The following SAMD4A variants were observed in gnomAD, a reference collection of about 807,000 sequenced individuals.
SAMD4A encodes the protein protein Smaug homolog 1.
SAMD4A carries 33 observed loss-of-function variants against 81.3 expected under a neutral mutation model. The observed-to-expected ratio is 0.41, with a 90% CI of 0.31 to 0.54. The LOEUF (loss-of-function observed/expected upper bound fraction) is 0.54. Ranked by LOEUF, SAMD4A falls within the 20% of genes least tolerant of loss-of-function variation. The pLI, the probability that SAMD4A is intolerant of heterozygous loss-of-function variation, is 0.37. For missense variants in SAMD4A, 854 were observed against 951.1 expected (o/e 0.90, Z 1.34); for synonymous variants, 389 against 382.1 (o/e 1.02, Z -0.21).
chr14:54,686,740 T>C (rs559385606), intron 2 of SAMD4A, among the ~76,000 whole-genome samples: 4 of 152,224 alleles, frequency 2.6e-5, no homozygotes, highest in African/African-American at 9.6e-5. Context: ...TTACAGGTCA[T>C]TGGGAGTTGG....
intron 3 of SAMD4A, among the ~76,000 whole-genome samples, chr14:54,729,173 G>A (rs972036962): frequency 3.3e-5 from 5 of 152,126 alleles, no homozygotes; most frequent in African/African-American, 1.2e-4. Context: ...GCTCAGTCAT[G>A]AAATCCTGGC....
rs150687129 is a variant in SAMD4A, at chr14:54,750,737, A to T, written c.1090-714A>T. On this transcript the variant is annotated intron_variant, in intron 5 of 12. Transcript: ENST00000554335. Reference sequence around the variant, plus strand: ...GGGAGGGTTTGAGAAAGCCATGAATATCTATATGGGGTTGGGACCTTTAGG... The same window carrying T: ...GGGAGGGTTTGAGAAAGCCATGAATTTCTATATGGGGTTGGGACCTTTAGG... Among the ~76,000 whole-genome samples, 540 of 152,332 alleles carry T rather than the reference A, an allele frequency of 3.5e-3. 2 individuals are homozygous for T. The highest frequency in any genetic ancestry group is 0.013 in the African/African-American group (524 of 41,566).
At position 54,567,749 on chromosome 14, in the gene SAMD4A, CAA is replaced by C. The variant is rs2032981941; in HGVS notation, c.-167_-166del. On this transcript the variant is annotated 5_prime_UTR_variant, in exon 2 of 13. Coordinates refer to ENST00000554335, the MANE Select transcript of SAMD4A (RefSeq NM_015589.6). ...CCACCGGAACGTAACTGAAACCAGACAAGAGAGGCAGGAGCCCAGGCAGTACC... is the reference window on the plus strand; with the variant it reads ...CCACCGGAACGTAACTGAAACCAGACGAGAGGCAGGAGCCCAGGCAGTACC... The C allele has an allele frequency of 1.7e-6, 1 of 594,396 alleles. No homozygotes were observed. The highest frequency in any genetic ancestry group is 2.8e-6 in the Non-Finnish European group (1 of 354,614). 36.8% of individuals were successfully genotyped at this position (594,396 alleles called of 1,614,324 possible).
At position 54,567,892 on chromosome 14, in the gene SAMD4A, G is replaced by A. The variant is rs1438114661; in HGVS notation, c.-25G>A. The A allele has an allele frequency of 4.4e-6, 7 of 1,596,374 alleles. No individual in the cohort carries two copies. Among genetic ancestry groups the A allele is most frequent in the Non-Finnish European group, 5.9e-6 (7 of 1,176,658 alleles). On this transcript the variant is annotated 5_prime_UTR_variant, in exon 2 of 13. Coordinates refer to ENST00000554335, the MANE Select transcript of SAMD4A (RefSeq NM_015589.6). ...CGGGCTGGGGCGCCCAGGGGGCTCT[G>A]TAGACCGAGGGCGGCCCCCTAACCA...
At chr14:54,784,224 A>T (rs2236298) in intron 11 of SAMD4A, 2 of 760,528 alleles carry the variant, frequency 2.6e-6, no homozygotes, top group South Asian at 1.6e-5. Flanking sequence ...GCGGGGCCTT[A>T]TGGGCCAGGG....
intron 2 of SAMD4A, among the ~76,000 whole-genome samples, chr14:54,658,034 C>T (rs916631094): frequency 6.6e-5 from 10 of 152,130 alleles, no homozygotes; most frequent in East Asian, 5.8e-4. Context: ...TGTGGCCGGC[C>T]GTGGTGGCTG....
chr14:54,631,575 A>T (rs962483758), intron 2 of SAMD4A, among the ~76,000 whole-genome samples: 7 of 152,198 alleles, frequency 4.6e-5, no homozygotes, highest in Non-Finnish European at 1.0e-4. Context: ...TCTAGGGCAG[A>T]TGTTTCCCTT....
At chr14:54,667,637 C>T (rs191914183) in intron 2 of SAMD4A, among the ~76,000 whole-genome samples, 35 of 152,298 alleles carry the variant, frequency 2.3e-4, no homozygotes, top group Middle Eastern at 3.4e-3. Context: ...TCACCCAGGG[C>T]GAGTGACTTG....
At chr14:54,775,884 A>G (rs1276779708) in intron 10 of SAMD4A, among the ~76,000 whole-genome samples, 2 of 151,930 alleles carry the variant, frequency 1.3e-5, no homozygotes, top group Non-Finnish European at 2.9e-5. Context: ...TCTTCTGACC[A>G]TTGTCCCCAG....
At chr14:54,711,867 A>C (rs748144475) in intron 3 of SAMD4A, among the ~76,000 whole-genome samples, 1 of 151,990 alleles carries the variant, frequency 6.6e-6, no homozygotes, top group Non-Finnish European at 1.5e-5. Context: ...CGGGAAAAAA[A>C]CCTCCATTTC....
At chr14:54,568,822 G>C (rs1284626702) in intron 2 of SAMD4A, among the ~76,000 whole-genome samples, 2 of 149,724 alleles carry the variant, frequency 1.3e-5, no homozygotes, top group Non-Finnish European at 3.0e-5. Context: ...AGAAAGGACA[G>C]GCATGAAGTG....
intron 2 of SAMD4A, among the ~76,000 whole-genome samples, chr14:54,606,382 A>T (rs950533187): frequency 6.6e-6 from 1 of 152,168 alleles, no homozygotes; most frequent in African/African-American, 2.4e-5. Context: ...GCTGTTTGCA[A>T]AGTGTTGCTT....
chr14:54,662,850 C>A (rs1288428531), intron 2 of SAMD4A, among the ~76,000 whole-genome samples: 1 of 152,142 alleles, frequency 6.6e-6, no homozygotes, highest in African/African-American at 2.4e-5. Context: ...CACGTTGACC[C>A]CCAGAGAGGT....
At chr14:54,788,134 C>T (rs988178590) in intron 12 of SAMD4A, among the ~76,000 whole-genome samples, 3 of 152,218 alleles carry the variant, frequency 2.0e-5, no homozygotes, top group Admixed American at 6.5e-5. Flanking sequence ...CAACACCTAC[C>T]TCAGACATCT....
intron 8 of SAMD4A, among the ~76,000 whole-genome samples, 188 bp from the exon 9 acceptor site, chr14:54,769,916 T>C (rs1243538858): frequency 6.6e-6 from 1 of 152,184 alleles, no homozygotes; most frequent in Admixed American, 6.5e-5. Context: ...GCACCTCCAA[T>C]GTCAGATAAC....
chr14:54,647,968 T>C (rs1409141195), intron 2 of SAMD4A, among the ~76,000 whole-genome samples: 3 of 152,262 alleles, frequency 2.0e-5, no homozygotes, highest in Non-Finnish European at 4.4e-5. Context: ...TGGAATGCCC[T>C]ACAGCTGCAC....
chr14:54,690,760 A>T (rs1032435625), intron 2 of SAMD4A, among the ~76,000 whole-genome samples: 1 of 152,050 alleles, frequency 6.6e-6, no homozygotes, highest in Non-Finnish European at 1.5e-5. Context: ...AGGTGATGGT[A>T]TGAAGCTAGA....
chr14:54,616,635 G>C (rs1189062500), intron 2 of SAMD4A, among the ~76,000 whole-genome samples: 1 of 152,094 alleles, frequency 6.6e-6, no homozygotes, highest in Non-Finnish European at 1.5e-5. Flanking sequence ...ACCATTATTG[G>C]CTCACTCCAT....
At chr14:54,786,148 A>G (rs1436642336) in intron 12 of SAMD4A, among the ~76,000 whole-genome samples, 1 of 152,238 alleles carries the variant, frequency 6.6e-6, no homozygotes, top group East Asian at 1.9e-4. Flanking sequence ...ACAGTGAAAG[A>G]GCATTCAGCC....
Sources: gnomAD v4.1 joint callset for allele counts (sites outside exome capture counted in the v4.1 genomes callset) on GRCh38, gnomAD v4.1.1 for gene constraint, MANE v1.5 for transcripts, NCBI Gene and HGNC (gene_info 2026-07-23, HGNC 2026-07-21) for gene names.